Variants in HSPA14 observed in about 807,000 individuals in gnomAD.
HSPA14 encodes heat shock protein family A (Hsp70) member 14.
Under a neutral mutation model 65.5 loss-of-function variants are expected in HSPA14, and 37 were observed. That is an observed-to-expected ratio of 0.56 (90% CI 0.43 to 0.74). The LOEUF is 0.74. Among genes scored for constraint, HSPA14 ranks in the 30% least tolerant of loss-of-function variants. The pLI, the probability that HSPA14 is intolerant of heterozygous loss-of-function variation, is 0.00. For missense variants in HSPA14, 564 were observed against 607.6 expected, an observed-to-expected ratio of 0.93 and a Z score of 0.75; for synonymous variants, 203 against 214.2, an observed-to-expected ratio of 0.95 and a Z score of 0.46.
intron 1 of HSPA14, chr10:14,838,665 G>C (rs1210532773): frequency 3.8e-6 from 2 of 530,614 alleles, no homozygotes; most frequent in Non-Finnish European, 6.6e-6. Flanking sequence ...CTCCGCGGCG[G>C]AGGCTCGCGG....
intron 10 of HSPA14, among the ~76,000 whole-genome samples, chr10:14,861,411 T>TGTCTCCC (rs1398318926): frequency 1.3e-5 from 2 of 152,108 alleles, no homozygotes; most frequent in Non-Finnish European, 2.9e-5. Flanking sequence ...CTGCAACCCC[T>TGTCTCCC]GTCTCCCAGG....
intron 10 of HSPA14, among the ~76,000 whole-genome samples, chr10:14,858,639 A>G (rs991138324): frequency 1.3e-5 from 2 of 152,158 alleles, no homozygotes; most frequent in Admixed American, 1.3e-4. Flanking sequence ...TCAGTGTCAC[A>G]GTGGGTATGA....
At chr10:14,853,213 A>C (rs1475311232) in intron 8 of HSPA14, among the ~76,000 whole-genome samples, 2 of 152,198 alleles carry the variant, frequency 1.3e-5, no homozygotes, top group East Asian at 3.8e-4. Flanking sequence ...TTTTGTTACA[A>C]AGATGTTGTT....
Position 14,867,163 on chromosome 10 carries a change from C to T in HSPA14, c.1074C>T (p.Leu358=). 1 of 1,613,754 alleles carries T rather than the reference C, an allele frequency of 6.2e-7. No individual in the cohort carries two copies. Among genetic ancestry groups the T allele is most frequent in the Non-Finnish European group, 8.5e-7 (1 of 1,179,748 alleles). Reference sequence around the variant, plus strand: ...ATCTTTTCCCAGCTGTTGAGCTTCTCAATTCTATCCCTCCTGATGAAGTGA... The same window carrying T: ...ATCTTTTCCCAGCTGTTGAGCTTCTTAATTCTATCCCTCCTGATGAAGTGA... ...IKDLFPAVEL[L]NSIPPDEVIP... is the part of the protein sequence containing the mutation. The change falls in exon 11 of 14, where the codon CTC becomes CTT. Residue 358 remains leucine (L), a synonymous_variant. Coordinates refer to ENST00000378372, the MANE Select transcript of HSPA14 (RefSeq NM_016299.4).
At chr10:14,867,944 A>C in intron 12 of HSPA14, 35 bp downstream of exon 12, 1 of 1,550,070 alleles carries the variant, frequency 6.5e-7, no homozygotes, top group Non-Finnish European at 8.8e-7. Context: ...TAAACTGTTC[A>C]ACTTTGCTTT....
intron 10 of HSPA14, among the ~76,000 whole-genome samples, chr10:14,864,309 C>T (rs963826298): frequency 6.8e-6 from 1 of 147,052 alleles, no homozygotes; most frequent in Non-Finnish European, 1.5e-5. Flanking sequence ...TTGCATAGCA[C>T]CACTTACTTT....
rs752991590 is a variant in HSPA14, at chr10:14,871,614, G to A, written c.*8G>A. On this transcript the variant is annotated 3_prime_UTR_variant, in exon 14 of 14. Transcript: ENST00000378372. ...ATTGAGATAGCATCTTAGTGTTTTA[G>A]AGAAATCAAGAATTTTTAAAAACAA... is the stretch of plus-strand genomic sequence containing the variant. 4.1e-6 allele frequency: 6 copies of A among 1,471,068 alleles called. No individual in the cohort carries two copies. In the East Asian group the frequency reaches 1.1e-4, roughly 28 times the overall value. The allele number at this position is 1,471,068 out of a possible 1,614,324, so 91.1% of individuals were successfully genotyped here. A position where few individuals can be genotyped will look rare whatever the true frequency, so the allele number is the denominator to read the frequency against.
intron 10 of HSPA14, among the ~76,000 whole-genome samples, chr10:14,865,463 A>G (rs898222015): frequency 6.6e-6 from 1 of 152,192 alleles, no homozygotes; most frequent in East Asian, 1.9e-4. Context: ...TAGGTCTAAC[A>G]TTTAAGTCTT....
intron 12 of HSPA14, among the ~76,000 whole-genome samples, chr10:14,869,226 C>T (rs1162929123): frequency 3.7e-5 from 5 of 136,226 alleles, no homozygotes; most frequent in Middle Eastern, 3.6e-3. Flanking sequence ...TGTGTGTGTA[C>T]GTGTACGTGT....
intron 1 of HSPA14, 85 bp downstream of exon 1, chr10:14,838,544 G>A (rs1833922080): frequency 3.0e-6 from 4 of 1,336,656 alleles, no homozygotes; most frequent in South Asian, 1.3e-5. Context: ...TGAGAGCGGC[G>A]TGTCGCCGGC....
At position 14,842,258 on chromosome 10, in the gene HSPA14, C is replaced by T. The variant is rs1833983069; in HGVS notation, c.221+2101C>T. 11 of 1,534,964 alleles carry T rather than the reference C, an allele frequency of 7.2e-6. No individual in the cohort carries two copies. Among genetic ancestry groups the T allele is most frequent in the Non-Finnish European group, 9.6e-6 (11 of 1,145,990 alleles). On this transcript the variant is annotated intron_variant, in intron 3 of 13. Transcript: ENST00000378372. This position sits in a 1 kb window ranked among gnomAD's most constrained non-coding sequence, Gnocchi z 5.2. ...AGACTTGCACCTTGCTGTCCAGAAG[C>T]TGCCTAGCCCTCCTTTCCAACCCAC...
intron 3 of HSPA14, chr10:14,843,799 A>G (rs1834008218): frequency 6.5e-7 from 1 of 1,536,382 alleles, no homozygotes; most frequent in East Asian, 2.4e-5. Flanking sequence ...CATCGCAGTC[A>G]GACGTTTGGC....
chr10:14,869,599 A>G (rs1298983554), intron 12 of HSPA14, among the ~76,000 whole-genome samples: 4 of 152,142 alleles, frequency 2.6e-5, no homozygotes, highest in South Asian at 2.1e-4. Flanking sequence ...CTGGCCACAT[A>G]TTTATTTTCT....
intron 3 of HSPA14, chr10:14,844,713 T>G (rs1834024825): frequency 1.0e-6 from 1 of 967,896 alleles, no homozygotes; most frequent in Non-Finnish European, 1.2e-6. Context: ...GGCCATTTTA[T>G]AAAATATTAA....
chr10:14,863,015 G>A (rs1324169837), intron 10 of HSPA14, among the ~76,000 whole-genome samples: 1 of 152,138 alleles, frequency 6.6e-6, no homozygotes, highest in Non-Finnish European at 1.5e-5. Flanking sequence ...TTAATATGAA[G>A]TGGGTGTTGT....
intron 13 of HSPA14, 141 bp from the exon 14 acceptor site, chr10:14,871,387 G>A (rs1832853250): frequency 3.4e-6 from 2 of 595,230 alleles, no homozygotes; most frequent in Admixed American, 3.6e-5. Context: ...CTGAGATTGT[G>A]TTTATTCTTT....
At chr10:14,870,771 A>C in intron 13 of HSPA14, 104 bp downstream of exon 13, 1 of 1,105,574 alleles carries the variant, frequency 9.0e-7, no homozygotes. Context: ...AGAAACATTA[A>C]AAACCTACAG....
chr10:14,868,813 A>G (rs1164322562), intron 12 of HSPA14, among the ~76,000 whole-genome samples: 2 of 152,236 alleles, frequency 1.3e-5, no homozygotes, highest in Admixed American at 6.5e-5. Context: ...AGTAAAAATT[A>G]AATATCGGTA....
At chr10:14,866,078 T>G (rs1232197182) in intron 10 of HSPA14, among the ~76,000 whole-genome samples, 3 of 152,184 alleles carry the variant, frequency 2.0e-5, no homozygotes, top group African/African-American at 7.2e-5. Context: ...TACTTATTAA[T>G]AAAGCTTTTT....
Sources: gnomAD v4.1 joint callset for allele counts (sites outside exome capture counted in the v4.1 genomes callset) on GRCh38, gnomAD v4.1.1 for gene constraint, Gnocchi (gnomAD v3.1) non-coding constraint, MANE v1.5 for transcripts, NCBI Gene and HGNC (gene_info 2026-07-23, HGNC 2026-07-21) for gene names.